The following XNDC1N variants were observed in gnomAD, a reference collection of about 807,000 sequenced individuals.
The protein encoded by XNDC1N is protein XNDC1N.
At chr11:71,892,382 T>A in the XNDC1N span, among the ~76,000 whole-genome samples, 1 of 152,144 alleles carries the variant, frequency 6.6e-6, no homozygotes, top group South Asian at 2.1e-4. Flanking sequence ...ATCTCTGTAA[T>A]ACCTTATGAA....
the XNDC1N span, among the ~76,000 whole-genome samples, chr11:71,921,815 A>G: frequency 1.3e-5 from 2 of 152,120 alleles, no homozygotes; most frequent in Admixed American, 1.3e-4. Context: ...GTACAGTGGA[A>G]AACACGAAGT....
the XNDC1N span, chr11:71,928,146 G>A: frequency 1.4e-5 from 5 of 368,700 alleles, no homozygotes; most frequent in Non-Finnish European, 2.5e-5. Flanking sequence ...AGAAAAGTGT[G>A]CCGAGGTGTG....
chr11:71,904,591 A>G, the XNDC1N span, among the ~76,000 whole-genome samples: 1 of 152,118 alleles, frequency 6.6e-6, no homozygotes, highest in African/African-American at 2.4e-5. Context: ...TAGGAGTAAC[A>G]TCCTTCTAGG....
chr11:71,878,442 C>T, the XNDC1N span: 2 of 1,611,602 alleles, frequency 1.2e-6, no homozygotes, highest in Admixed American at 1.7e-5. Flanking sequence ...ACCTGCTTTA[C>T]CTATTCAACC....
At chr11:71,881,898 AGT>A in the XNDC1N span, among the ~76,000 whole-genome samples, 8 of 152,214 alleles carry the variant, frequency 5.3e-5, no homozygotes, top group Admixed American at 3.3e-4. Flanking sequence ...TGTGTAATGA[AGT>A]ATCAGGAGGA....
At chr11:71,889,383 T>C in the XNDC1N span, among the ~76,000 whole-genome samples, 6 of 152,206 alleles carry the variant, frequency 3.9e-5, no homozygotes, top group African/African-American at 1.2e-4. Flanking sequence ...CCGCGCTGAC[T>C]CAGAGGCTCG....
chr11:71,921,722 G>A, the XNDC1N span, among the ~76,000 whole-genome samples: 46 of 152,136 alleles, frequency 3.0e-4, no homozygotes, highest in Non-Finnish European at 5.0e-4. Flanking sequence ...ATAAATAAAA[G>A]GAGAGCTCTG....
At chr11:71,896,230 G>A in the XNDC1N span, among the ~76,000 whole-genome samples, 3 of 152,164 alleles carry the variant, frequency 2.0e-5, no homozygotes, top group African/African-American at 7.2e-5. Flanking sequence ...AGTGAGCCCG[G>A]ACTGTGCCTG....
At chr11:71,897,891 CA>C in the XNDC1N span, among the ~76,000 whole-genome samples, 2 of 152,136 alleles carry the variant, frequency 1.3e-5, no homozygotes, top group African/African-American at 4.8e-5. Flanking sequence ...CTTCAAAAGG[CA>C]GGCACTTCTG....
At chr11:71,884,682 G>A in the XNDC1N span, 2 of 1,291,956 alleles carry the variant, frequency 1.5e-6, no homozygotes, top group Non-Finnish European at 2.2e-6. Flanking sequence ...ATGGTCAGGT[G>A]AAAATGAATA....
the XNDC1N span, chr11:71,904,189 T>C: frequency 4.8e-6 from 2 of 415,308 alleles, no homozygotes; most frequent in East Asian, 1.4e-4. Context: ...CAAGGTCAAA[T>C]AAGAATGATA....
At chr11:71,919,830 G>T in the XNDC1N span, among the ~76,000 whole-genome samples, 1 of 148,842 alleles carries the variant, frequency 6.7e-6, no homozygotes, top group Admixed American at 6.7e-5. Context: ...TGTTAGCCAG[G>T]ATGGTCTCGA....
At chr11:71,886,736 C>G in the XNDC1N span, among the ~76,000 whole-genome samples, 6 of 152,064 alleles carry the variant, frequency 3.9e-5, no homozygotes, top group Non-Finnish European at 8.8e-5. Flanking sequence ...TGAATCCATC[C>G]CAATTACTAG....
At chr11:71,911,049 AG>A in the XNDC1N span, among the ~76,000 whole-genome samples, 1 of 152,260 alleles carries the variant, frequency 6.6e-6, no homozygotes, top group Non-Finnish European at 1.5e-5. Context: ...GCCCAGGCCG[AG>A]GCCAGTGGCC....
chr11:71,906,374 AC>A, the XNDC1N span, among the ~76,000 whole-genome samples: 1 of 151,994 alleles, frequency 6.6e-6, no homozygotes, highest in East Asian at 1.9e-4. Context: ...CAATGCCTAC[AC>A]CCCCTGCGTC....
chr11:71,917,939 G>C, the XNDC1N span, among the ~76,000 whole-genome samples: 1 of 151,810 alleles, frequency 6.6e-6, no homozygotes, highest in Non-Finnish European at 1.5e-5. Flanking sequence ...AGTGGAATGA[G>C]ACTCCAGTCC....
the XNDC1N span, among the ~76,000 whole-genome samples, chr11:71,885,354 A>T: frequency 2.0e-5 from 3 of 152,108 alleles, no homozygotes; most frequent in Non-Finnish European, 4.4e-5. Context: ...ACTTTCTGCC[A>T]TATATATAGT....
chr11:71,895,324 T>C, the XNDC1N span, among the ~76,000 whole-genome samples: 216 of 152,238 alleles, frequency 1.4e-3, no homozygotes, highest in African/African-American at 4.8e-3. Flanking sequence ...TCCCTTTTTT[T>C]TTGAGTCAGA....
At chr11:71,870,744 A>G in the XNDC1N span, among the ~76,000 whole-genome samples, 1 of 152,212 alleles carries the variant, frequency 6.6e-6, no homozygotes, top group African/African-American at 2.4e-5. Flanking sequence ...ACATTTCTCA[A>G]AGAAGACATA....
Sources: gnomAD v4.1 joint callset for allele counts (sites outside exome capture counted in the v4.1 genomes callset) on GRCh38, gnomAD v4.1.1 for gene constraint, MANE v1.5 for transcripts, NCBI Gene and HGNC (gene_info 2026-07-23, HGNC 2026-07-21) for gene names.